DAB1: variants seen among roughly 807,000 people sequenced by gnomAD.
DAB1 encodes the protein DAB adaptor protein 1, also known as disabled homolog 1.
DAB1 carries 15 observed loss-of-function variants against 64.6 expected under a neutral mutation model. The ratio of observed to expected loss-of-function variants is 0.23; its 90% CI spans 0.16 to 0.36. The LOEUF (loss-of-function observed/expected upper bound fraction) is 0.36. Ranked by LOEUF, DAB1 falls within the 10% of genes least tolerant of loss-of-function variation. DAB1 has a pLI of 1.00. For missense variants in DAB1, 596 were observed against 706.7 expected (o/e 0.84, Z 1.78); for synonymous variants, 235 against 251.9 (o/e 0.93, Z 0.64).
At chr1:57,806,128 T>C (rs766333044) in intron 6 of DAB1, among the ~76,000 whole-genome samples, 27 of 152,330 alleles carry the variant, frequency 1.8e-4, no homozygotes, top group Admixed American at 1.3e-4. Context: ...GTTATCTCTG[T>C]GAACTTGTCT....
intron 5 of DAB1, among the ~76,000 whole-genome samples, chr1:57,961,645 T>C (rs1399306619): frequency 6.6e-6 from 1 of 152,184 alleles, no homozygotes; most frequent in East Asian, 1.9e-4. Context: ...TCTAAAAAGT[T>C]AGTAGATGAG....
intron 6 of DAB1, among the ~76,000 whole-genome samples, chr1:57,808,633 C>T (rs1446023628): frequency 6.6e-6 from 1 of 152,138 alleles, no homozygotes; most frequent in African/African-American, 2.4e-5. Flanking sequence ...CAAATGTTCA[C>T]AACTTTAGGA....
At position 57,618,410 on chromosome 1, in the gene DAB1, CAAAAA is replaced by C. The variant is rs11284763; in HGVS notation, n.625+31177_625+31181del. 2.8e-3 allele frequency among the ~76,000 whole-genome samples: 336 copies of C among 119,776 alleles called. 1 individual carries two copies. The highest frequency in any genetic ancestry group is 4.3e-3 in the Middle Eastern group (1 of 230). 78.6% of individuals were successfully genotyped at this position (119,776 alleles called of 152,430 possible). ...AGCCTGGGTGGCACAGTGAGACTGTCAAAAAAAAAAAAAAAAAAAAGCAGCAGCAG... is the reference window on the plus strand; with the variant it reads ...AGCCTGGGTGGCACAGTGAGACTGTCAAAAAAAAAAAAAAAGCAGCAGCAG... On this transcript the variant is annotated intron_variant and non_coding_transcript_variant, in intron 7 of 20. Transcript: ENST00000485760.
chr1:57,161,539 A>T (rs1234070273), intron 2 of DAB1, among the ~76,000 whole-genome samples: 2 of 152,198 alleles, frequency 1.3e-5, no homozygotes, highest in African/African-American at 4.8e-5. Context: ...TACACATAAT[A>T]ACAGGTACCA....
intron 4 of DAB1, among the ~76,000 whole-genome samples, chr1:57,128,280 A>T (rs1657338618): frequency 6.6e-6 from 1 of 152,112 alleles, no homozygotes; most frequent in African/African-American, 2.4e-5. Context: ...TCAGCCACAA[A>T]AGAGCAGTGA....
At position 56,996,819 on chromosome 1, in the gene DAB1, G is replaced by C. The variant is rs1294893406; in HGVS notation, c.*1325C>G. On this transcript the variant is annotated 3_prime_UTR_variant, in exon 15 of 15. Transcript: ENST00000371236. Reference sequence around the variant, plus strand: ...GTTTGTCACACCTTGCACTCAATCTGCTACCTTCTCTACAGTGTAATGGCA... The same window carrying C: ...GTTTGTCACACCTTGCACTCAATCTCCTACCTTCTCTACAGTGTAATGGCA... 2 of 152,024 alleles carry C rather than the reference G, an allele frequency of 1.3e-5. No individual in the cohort carries two copies. The highest frequency in any genetic ancestry group is 4.8e-5 in the African/African-American group (2 of 41,380). 9.4% of individuals were successfully genotyped at this position (152,024 alleles called of 1,614,324 possible). A position where few individuals can be genotyped will look rare whatever the true frequency, so the allele number is the denominator to read the frequency against.
intron 14 of DAB1, among the ~76,000 whole-genome samples, chr1:57,007,693 G>T (rs755683102): frequency 6.6e-6 from 1 of 152,150 alleles, no homozygotes; most frequent in Non-Finnish European, 1.5e-5. Context: ...AACTGTGCAG[G>T]TATTTCTAAT....
chr1:57,111,768 T>A (rs1655681459), intron 4 of DAB1, among the ~76,000 whole-genome samples: 1 of 152,228 alleles, frequency 6.6e-6, no homozygotes, highest in Non-Finnish European at 1.5e-5. Context: ...ATAAGGGTCA[T>A]GACTTTGCCT....
intron 4 of DAB1, among the ~76,000 whole-genome samples, chr1:58,284,501 A>C (rs1661638132): frequency 6.6e-6 from 1 of 152,270 alleles, no homozygotes; most frequent in South Asian, 2.1e-4. Flanking sequence ...TATTAAGCAC[A>C]GATCTGGAAG....
chr1:57,279,203 C>A (rs1671703508), intron 2 of DAB1, among the ~76,000 whole-genome samples: 1 of 152,060 alleles, frequency 6.6e-6, no homozygotes, highest in Non-Finnish European at 1.5e-5. Context: ...TCCAGGATCT[C>A]CATAGATAAC....
chr1:58,166,393 G>A (rs933662157), intron 4 of DAB1, among the ~76,000 whole-genome samples: 2 of 152,040 alleles, frequency 1.3e-5, no homozygotes, highest in African/African-American at 4.8e-5. Flanking sequence ...CCAGATATTT[G>A]TTACAAATAG....
intron 7 of DAB1, among the ~76,000 whole-genome samples, chr1:57,485,613 C>T (rs1202798229): frequency 6.6e-6 from 1 of 152,182 alleles, no homozygotes; most frequent in Non-Finnish European, 1.5e-5. Flanking sequence ...CAGATCTTTG[C>T]TCCTCTGTTA....
chr1:57,777,141 CT>C (rs71051255), intron 6 of DAB1, among the ~76,000 whole-genome samples: 20,824 of 90,310 alleles, frequency 0.23, 1,313 homozygotes, highest in Admixed American at 0.32. Flanking sequence ...TTCTGAATTT[CT>C]TTTTTTTTTT....
chr1:57,054,345 TCTG>T (rs1454284707), intron 9 of DAB1, among the ~76,000 whole-genome samples: 1 of 152,152 alleles, frequency 6.6e-6, no homozygotes, highest in Admixed American at 6.5e-5. Flanking sequence ...AATGCAATGC[TCTG>T]CTTGCATTCC....
chr1:58,023,277 C>A (rs998476698), intron 5 of DAB1, among the ~76,000 whole-genome samples: 16 of 152,086 alleles, frequency 1.1e-4, no homozygotes, highest in Admixed American at 9.8e-4. Context: ...TTTATCACCC[C>A]CAGCCCACAG....
chr1:57,859,490 A>C (rs1306383963), intron 1 of DAB1, among the ~76,000 whole-genome samples: 2 of 152,210 alleles, frequency 1.3e-5, no homozygotes, highest in Non-Finnish European at 2.9e-5. Flanking sequence ...TAATATGCTC[A>C]TCTTACAGAT....
At chr1:57,681,188 C>G (rs138193298) in intron 6 of DAB1, among the ~76,000 whole-genome samples, 9 of 152,326 alleles carry the variant, frequency 5.9e-5, no homozygotes, top group African/African-American at 1.9e-4. Flanking sequence ...TCATGGCATT[C>G]CTTGACTTGC....
At chr1:58,225,956 TA>T (rs5774402) in intron 4 of DAB1, among the ~76,000 whole-genome samples, 96,841 of 130,974 alleles carry the variant, frequency 0.74, 36,925 homozygotes, top group Non-Finnish European at 0.86. Context: ...AACTTAGTAT[TA>T]AAAAAAAAAA....
chr1:57,067,287 C>A (rs1023118219), intron 8 of DAB1, among the ~76,000 whole-genome samples: 1 of 152,024 alleles, frequency 6.6e-6, no homozygotes, highest in Non-Finnish European at 1.5e-5. Context: ...GACTTAGAAT[C>A]GAATTGTGAA....
Sources: allele counts gnomAD v4.1 joint callset (sites outside exome capture counted in the v4.1 genomes callset), GRCh38; gene constraint gnomAD v4.1.1; transcripts MANE v1.5; gene names NCBI Gene and HGNC (gene_info 2026-07-23, HGNC 2026-07-21).